ZNF475: variants seen among roughly 807,000 people sequenced by gnomAD.
ZNF475 encodes zinc finger protein 475.
chr5:122,168,539 C>T, the ZNF475 span, among the ~76,000 whole-genome samples: 4 of 152,122 alleles, frequency 2.6e-5, no homozygotes, highest in Admixed American at 1.3e-4. Flanking sequence ...GGTGAAACCC[C>T]GTCTCTACTA....
chr5:122,161,255 T>G, the ZNF475 span, among the ~76,000 whole-genome samples: 1 of 152,314 alleles, frequency 6.6e-6, no homozygotes, highest in Non-Finnish European at 1.5e-5. Flanking sequence ...CTCAATAAGT[T>G]TCCAGTATTC....
chr5:122,182,397 A>AT, the ZNF475 span: 1 of 968,206 alleles, frequency 1.0e-6, no homozygotes, highest in Non-Finnish European at 1.4e-6. Flanking sequence ...GTTCTCCCGA[A>AT]TAAAAACTGA....
the ZNF475 span, among the ~76,000 whole-genome samples, chr5:122,171,998 G>C: frequency 6.6e-6 from 1 of 152,068 alleles, no homozygotes; most frequent in African/African-American, 2.4e-5. Context: ...ACCTGCCTTG[G>C]TCTCCCAAAG....
the ZNF475 span, among the ~76,000 whole-genome samples, chr5:122,165,797 TA>T: frequency 6.6e-6 from 1 of 151,986 alleles, no homozygotes; most frequent in East Asian, 1.9e-4. Context: ...TTTCTGCATT[TA>T]AAAAAATATT....
At chr5:122,178,896 T>C in the ZNF475 span, among the ~76,000 whole-genome samples, 1 of 152,242 alleles carries the variant, frequency 6.6e-6, no homozygotes, top group African/African-American at 2.4e-5. Flanking sequence ...TTCATCCATC[T>C]TGACTTAATT....
the ZNF475 span, among the ~76,000 whole-genome samples, chr5:122,179,305 G>T: frequency 6.6e-6 from 1 of 152,118 alleles, no homozygotes; most frequent in African/African-American, 2.4e-5. Flanking sequence ...GATGGGGATA[G>T]CATTGAATCT....
chr5:122,174,114 T>C, the ZNF475 span, among the ~76,000 whole-genome samples: 14 of 152,336 alleles, frequency 9.2e-5, no homozygotes, highest in Admixed American at 5.2e-4. Context: ...GCCATGCCAC[T>C]GAAAGCTACA....
the ZNF475 span, among the ~76,000 whole-genome samples, chr5:122,166,688 A>C: frequency 6.6e-6 from 1 of 152,220 alleles, no homozygotes; most frequent in Non-Finnish European, 1.5e-5. Context: ...TTATGGCTGC[A>C]CAGTATTCCA....
At chr5:122,182,398 T>G in the ZNF475 span, 1 of 980,956 alleles carries the variant, frequency 1.0e-6, no homozygotes, top group Non-Finnish European at 1.4e-6. Flanking sequence ...TTCTCCCGAA[T>G]AAAAACTGAT....
chr5:122,182,395 G>C, the ZNF475 span: 1 of 928,054 alleles, frequency 1.1e-6, no homozygotes, highest in East Asian at 2.8e-5. Flanking sequence ...TGGTTCTCCC[G>C]AATAAAAACT....
the ZNF475 span, among the ~76,000 whole-genome samples, chr5:122,175,435 A>C: frequency 6.6e-6 from 1 of 152,286 alleles, no homozygotes; most frequent in African/African-American, 2.4e-5. Flanking sequence ...GAGCATATTG[A>C]AAAAAAGTCA....
At chr5:122,179,623 G>C in the ZNF475 span, 1 of 1,533,920 alleles carries the variant, frequency 6.5e-7, no homozygotes, top group East Asian at 2.4e-5. Context: ...AAATCTATTA[G>C]CATTCATGAG....
the ZNF475 span, among the ~76,000 whole-genome samples, chr5:122,169,574 C>T: frequency 2.0e-5 from 3 of 152,034 alleles, no homozygotes; most frequent in Non-Finnish European, 2.9e-5. Context: ...TGGCTGAAGT[C>T]TATATGAAGT....
the ZNF475 span, among the ~76,000 whole-genome samples, chr5:122,169,347 C>T: frequency 6.6e-6 from 1 of 152,184 alleles, no homozygotes; most frequent in Non-Finnish European, 1.5e-5. Flanking sequence ...ATGACACTTA[C>T]ACATTTTGGC....
chr5:122,182,517 T>G, the ZNF475 span: 1 of 1,528,868 alleles, frequency 6.5e-7, no homozygotes, highest in Non-Finnish European at 8.7e-7. Flanking sequence ...TCTTGATGCT[T>G]TAAATGAAGC....
chr5:122,172,687 C>A, the ZNF475 span, among the ~76,000 whole-genome samples: 1 of 152,214 alleles, frequency 6.6e-6, no homozygotes, highest in African/African-American at 2.4e-5. Flanking sequence ...CAGAACTATA[C>A]TTTCACACTA....
chr5:122,165,348 A>C, the ZNF475 span, among the ~76,000 whole-genome samples: 1 of 152,192 alleles, frequency 6.6e-6, no homozygotes. Context: ...AGCAAACTAT[A>C]CTGGTTACCA....
the ZNF475 span, chr5:122,179,760 A>T: frequency 7.0e-7 from 1 of 1,428,474 alleles, no homozygotes; most frequent in Non-Finnish European, 9.2e-7. Context: ...ATTTGAGTGC[A>T]TAAGGGGAGA....
the ZNF475 span, among the ~76,000 whole-genome samples, chr5:122,171,801 C>T: frequency 2.6e-5 from 4 of 151,570 alleles, no homozygotes; most frequent in Non-Finnish European, 4.4e-5. Flanking sequence ...TGCAGTGGCA[C>T]GATCACAGCT....
Sources: allele counts gnomAD v4.1 joint callset (sites outside exome capture counted in the v4.1 genomes callset), GRCh38; gene constraint gnomAD v4.1.1; transcripts MANE v1.5; gene names NCBI Gene and HGNC (gene_info 2026-07-23, HGNC 2026-07-21).